FRAS1: variants seen among roughly 807,000 people sequenced by gnomAD.
The protein encoded by FRAS1 is extracellular matrix organizing protein FRAS1.
FRAS1 carries 290 observed loss-of-function variants against 435.2 expected under a neutral mutation model. The ratio of observed to expected loss-of-function variants is 0.67; its 90% CI spans 0.61 to 0.73. The LOEUF (loss-of-function observed/expected upper bound fraction) is 0.73. Ranked by LOEUF, FRAS1 falls within the 30% of genes least tolerant of loss-of-function variation. The probability of loss-of-function intolerance (pLI) is 0.00; values close to 1 mark genes in which losing one functional copy is unlikely to be tolerated. For missense variants in FRAS1, 4,860 were observed against 5,001.5 expected (o/e 0.97, Z 0.85); for synonymous variants, 1,800 against 1,851.0 (o/e 0.97, Z 0.71).
intron 15 of FRAS1, 108 bp downstream of exon 15, chr4:78,308,317 T>A: frequency 9.1e-7 from 1 of 1,102,966 alleles, no homozygotes; most frequent in Non-Finnish European, 1.3e-6. Context: ...ACTCAACATA[T>A]ATGTGAATAG....
intron 29 of FRAS1, among the ~76,000 whole-genome samples, chr4:78,400,216 T>G (rs903996515): frequency 2.0e-5 from 3 of 152,204 alleles, no homozygotes; most frequent in African/African-American, 7.2e-5. Context: ...TCCCGAGTCT[T>G]CCTTCCTCTA....
rs749383603 is a variant in FRAS1, at chr4:78,379,969, G to A, written c.3536G>A (p.Arg1179His). 2.4e-5 allele frequency: 38 copies of A among 1,613,266 alleles called. 1 individual carries two copies. Among genetic ancestry groups the A allele is most frequent in the South Asian group, 1.9e-4 (17 of 90,928 alleles). ...AAAGATGTGAACGAGAAGAAAGTGC[G>A]TTTTGTGCACAGCAAAGAAAAACTC... The part of the protein sequence containing the change: ...SWKDVNEKKV[R>H]FVHSKEKLRK... Residue 1179 changes from arginine to histidine, a missense_variant, in exon 27 of 74, where the codon CGT (arginine) becomes CAT (histidine). Arg to His is a conservative substitution (Grantham distance 29, BLOSUM62 0). Transcript: ENST00000512123.
chr4:78,441,059 T>A (rs895146602), intron 40 of FRAS1, 103 bp from the exon 41 acceptor site: 1 of 1,111,228 alleles, frequency 9.0e-7, no homozygotes, highest in African/African-American at 1.6e-5. Context: ...AGAAGCAGAA[T>A]TGGTGCTAGA....
At chr4:78,413,254 C>A (rs1038441019) in intron 32 of FRAS1, among the ~76,000 whole-genome samples, 169 bp downstream of exon 32, 4 of 152,174 alleles carry the variant, frequency 2.6e-5, no homozygotes, top group Admixed American at 6.5e-5. Flanking sequence ...GAAAAAGGAA[C>A]TTAAAATTCC....
At chr4:78,426,471 G>A (rs986926) in intron 35 of FRAS1, among the ~76,000 whole-genome samples, 3 of 151,808 alleles carry the variant, frequency 2.0e-5, no homozygotes. Context: ...AAGCCATGTC[G>A]TTTTGGAGAG....
chr4:78,221,074 G>A (rs1724032176), intron 2 of FRAS1, among the ~76,000 whole-genome samples: 1 of 152,100 alleles, frequency 6.6e-6, no homozygotes, highest in Admixed American at 6.5e-5. Flanking sequence ...AGGCTGAAGT[G>A]GGAGGATGGC....
chr4:78,120,842 G>C (rs888694305), intron 2 of FRAS1, among the ~76,000 whole-genome samples: 1 of 152,172 alleles, frequency 6.6e-6, no homozygotes, highest in Admixed American at 6.5e-5. Flanking sequence ...TTTTAAGTTT[G>C]AAACCTAGGT....
intron 70 of FRAS1, among the ~76,000 whole-genome samples, chr4:78,529,980 G>A (rs1269011409): frequency 1.3e-5 from 2 of 152,146 alleles, no homozygotes; most frequent in East Asian, 3.8e-4. Context: ...CATACTGCAT[G>A]AATTATCTCT....
rs567793042 is a variant in FRAS1, at chr4:78,312,331, G to C, written c.1679-3263G>C. ...TAAATTTCCATATACACATAGTTCT[G>C]TCTGAGCTATAAGATATAGAAATTT... On this transcript the variant is annotated intron_variant, in intron 15 of 73. Transcript: ENST00000512123. 1.7e-3 allele frequency among the ~76,000 whole-genome samples: 261 copies of C among 151,576 alleles called. 2 individuals are homozygous for C. Among genetic ancestry groups the C allele is most frequent in the African/African-American group, 6.3e-3 (259 of 41,344 alleles).
At chr4:78,140,729 A>C (rs1560546161) in intron 2 of FRAS1, among the ~76,000 whole-genome samples, 1 of 149,096 alleles carries the variant, frequency 6.7e-6, no homozygotes, top group African/African-American at 2.6e-5. Flanking sequence ...ATATGTATAT[A>C]CGTGTGTGTA....
intron 72 of FRAS1, among the ~76,000 whole-genome samples, chr4:78,537,430 A>G (rs115422989): frequency 1.4e-4 from 21 of 152,340 alleles, no homozygotes; most frequent in African/African-American, 4.3e-4. Context: ...CTCTCGGCCA[A>G]TGTTTCTCAG....
chr4:78,232,349 G>A (rs973817788), intron 2 of FRAS1, among the ~76,000 whole-genome samples: 4 of 151,096 alleles, frequency 2.6e-5, no homozygotes, highest in African/African-American at 4.9e-5. Flanking sequence ...GCAGTGGTGC[G>A]ATCTCGGCTC....
chr4:78,129,019 C>A (rs1332679369), intron 2 of FRAS1, among the ~76,000 whole-genome samples: 4 of 152,194 alleles, frequency 2.6e-5, no homozygotes, highest in Non-Finnish European at 5.9e-5. Context: ...GGAATCCTTT[C>A]CCCATTGCTT....
At chr4:78,476,984 C>A (rs1719870324) in intron 54 of FRAS1, among the ~76,000 whole-genome samples, 1 of 23,080 alleles carries the variant, frequency 4.3e-5, no homozygotes, top group East Asian at 2.3e-3. Flanking sequence ...TAATTTCTTT[C>A]TTTTTAAAAA....
chr4:78,466,127 T>G (rs12640944), intron 49 of FRAS1, 81 bp from the exon 50 acceptor site: 407,338 of 1,118,666 alleles, frequency 0.36, 77,398 homozygotes, highest in Admixed American at 0.45. Flanking sequence ...CTACTACCCT[T>G]GATCAGCAAT....
intron 35 of FRAS1, among the ~76,000 whole-genome samples, chr4:78,425,391 C>T (rs990998137): frequency 6.6e-6 from 1 of 152,094 alleles, no homozygotes; most frequent in Non-Finnish European, 1.5e-5. Context: ...TATGCTGGGC[C>T]ACCATAGGAT....
intron 53 of FRAS1, among the ~76,000 whole-genome samples, chr4:78,475,072 A>G (rs1177569841): frequency 2.0e-5 from 3 of 152,114 alleles, no homozygotes. Flanking sequence ...TTTCTTCCCT[A>G]AGAACCCACT....
intron 15 of FRAS1, among the ~76,000 whole-genome samples, chr4:78,310,067 T>A (rs1203807107): frequency 6.6e-6 from 1 of 152,146 alleles, no homozygotes; most frequent in Admixed American, 6.6e-5. Context: ...GTATTGCCAG[T>A]ATGAAAAATC....
chr4:78,375,711 C>G (rs772839726), intron 25 of FRAS1, 28 bp from the exon 26 acceptor site: 93 of 1,531,072 alleles, frequency 6.1e-5, no homozygotes, highest in Non-Finnish European at 3.5e-6. Context: ...CTTGATTGAG[C>G]CTCATTTAGT....
Sources: gnomAD v4.1 joint callset for allele counts (sites outside exome capture counted in the v4.1 genomes callset) on GRCh38, gnomAD v4.1.1 for gene constraint, MANE v1.5 for transcripts, NCBI Gene and HGNC (gene_info 2026-07-23, HGNC 2026-07-21) for gene names.